EXOC6B: variants seen among roughly 807,000 people sequenced by gnomAD.
EXOC6B encodes SEC15 homolog B.
Under a neutral mutation model 113.5 loss-of-function variants are expected in EXOC6B, and 54 were observed. That is an observed-to-expected ratio of 0.48 (90% CI 0.38 to 0.60). The LOEUF is 0.60. Ranked by LOEUF, EXOC6B falls within the 20% of genes least tolerant of loss-of-function variation. The pLI, the probability that EXOC6B is intolerant of heterozygous loss-of-function variation, is 0.00. For missense variants in EXOC6B, 797 were observed against 977.5 expected, an observed-to-expected ratio of 0.82 and a Z score of 2.46; for synonymous variants, 357 against 339.0, an observed-to-expected ratio of 1.05 and a Z score of -0.58.
chr2:72,763,318 G>A (rs948383196), intron 1 of EXOC6B, among the ~76,000 whole-genome samples: 1 of 151,906 alleles, frequency 6.6e-6, no homozygotes, highest in African/African-American at 2.4e-5. Flanking sequence ...CCTTTGTATA[G>A]TACCTTGGTG....
At chr2:72,268,151 C>T (rs527987211) in intron 20 of EXOC6B, among the ~76,000 whole-genome samples, 1 of 152,160 alleles carries the variant, frequency 6.6e-6, no homozygotes, top group African/African-American at 2.4e-5. Flanking sequence ...CACTCTGTTG[C>T]CCAGGCTAGC....
chr2:72,423,722 CGT>C (rs945776731), intron 18 of EXOC6B, among the ~76,000 whole-genome samples: 14 of 152,078 alleles, frequency 9.2e-5, no homozygotes, highest in Non-Finnish European at 1.5e-4. Flanking sequence ...TGCATGCACC[CGT>C]GTGTGTGCAT....
chr2:72,335,072 G>A (rs1471193365), intron 19 of EXOC6B, 52 bp from the exon 20 acceptor site: 1 of 1,509,626 alleles, frequency 6.6e-7, no homozygotes, highest in Non-Finnish European at 9.2e-7. Flanking sequence ...CATGGACAGG[G>A]AGATTGGCAG....
At chr2:72,388,609 C>G (rs530729693) in intron 18 of EXOC6B, among the ~76,000 whole-genome samples, 1 of 151,948 alleles carries the variant, frequency 6.6e-6, no homozygotes. Context: ...TACTGATACC[C>G]TATTTATTTT....
intron 18 of EXOC6B, among the ~76,000 whole-genome samples, chr2:72,384,251 T>A (rs937329431): frequency 6.6e-6 from 1 of 151,960 alleles, no homozygotes; most frequent in South Asian, 2.1e-4. Flanking sequence ...AGTGAATGAA[T>A]GAAGCAAGAC....
At chr2:72,496,764 A>T (rs941411038) in intron 13 of EXOC6B, among the ~76,000 whole-genome samples, 1 of 152,008 alleles carries the variant, frequency 6.6e-6, no homozygotes, top group Non-Finnish European at 1.5e-5. Flanking sequence ...GGATTTAAAG[A>T]AGACAAAAAG....
At chr2:72,394,761 G>C (rs1307833538) in intron 18 of EXOC6B, among the ~76,000 whole-genome samples, 1 of 152,162 alleles carries the variant, frequency 6.6e-6, no homozygotes, top group African/African-American at 2.4e-5. Flanking sequence ...ATGAGCAAAA[G>C]GTCATGATGA....
chr2:72,641,853 C>T (rs926987392), intron 6 of EXOC6B, among the ~76,000 whole-genome samples: 4 of 152,176 alleles, frequency 2.6e-5, no homozygotes, highest in Admixed American at 6.5e-5. Context: ...CCCTCTGGGA[C>T]GAAGATTCCA....
intron 11 of EXOC6B, among the ~76,000 whole-genome samples, chr2:72,503,724 T>G (rs374806401): frequency 1.1e-4 from 16 of 152,280 alleles, no homozygotes; most frequent in African/African-American, 3.1e-4. Flanking sequence ...ATACACCTGC[T>G]AGATTATATA....
At chr2:72,456,571 G>A (rs1182853933) in intron 18 of EXOC6B, among the ~76,000 whole-genome samples, 1 of 152,096 alleles carries the variant, frequency 6.6e-6, no homozygotes, top group Non-Finnish European at 1.5e-5. Flanking sequence ...AAAATTTTAA[G>A]TCAAATAAAT....
intron 19 of EXOC6B, among the ~76,000 whole-genome samples, chr2:72,369,627 G>A (rs1385055133): frequency 6.6e-6 from 1 of 152,160 alleles, no homozygotes; most frequent in East Asian, 1.9e-4. Flanking sequence ...CAAGGCTATA[G>A]TAACCAAAAC....
At chr2:72,670,471 A>G (rs918530120) in intron 6 of EXOC6B, among the ~76,000 whole-genome samples, 3 of 152,162 alleles carry the variant, frequency 2.0e-5, no homozygotes, top group African/African-American at 7.2e-5. Context: ...ATATTTCTCA[A>G]TTAGGTCTCT....
At chr2:72,357,744 G>C (rs1572963560) in intron 19 of EXOC6B, among the ~76,000 whole-genome samples, 1 of 151,876 alleles carries the variant, frequency 6.6e-6, no homozygotes, top group Non-Finnish European at 1.5e-5. Context: ...TAGTGATGCT[G>C]TAGCCATTGT....
intron 20 of EXOC6B, among the ~76,000 whole-genome samples, chr2:72,247,384 A>T (rs1225771266): frequency 6.6e-6 from 1 of 152,176 alleles, no homozygotes; most frequent in Non-Finnish European, 1.5e-5. Flanking sequence ...TACCTAAAGT[A>T]GTAGGGGAAT....
chr2:72,305,922 A>C (rs1230407289), intron 20 of EXOC6B, among the ~76,000 whole-genome samples: 2 of 152,208 alleles, frequency 1.3e-5, no homozygotes, highest in African/African-American at 4.8e-5. Context: ...TCTAGGTCTT[A>C]GAAGTTCTGA....
intron 18 of EXOC6B, among the ~76,000 whole-genome samples, chr2:72,393,727 C>T (rs1470889676): frequency 6.6e-6 from 1 of 152,094 alleles, no homozygotes; most frequent in Non-Finnish European, 1.5e-5. Flanking sequence ...TCTAGGCAAA[C>T]ATTTTTGCTT....
rs748478070 is a variant in EXOC6B, at chr2:72,492,341, T to A, written c.1642A>T (p.Arg548Trp). ...ACCTCAGTAAGCCCAATATTCTTCC[T>A]TTTAATTACATTCTGCAGAGAGTTG... ...LSNSLQNVIK[R>W]KNIGLTELVQ... Residue 548 changes from arginine (R) to tryptophan (W), a missense_variant, in exon 16 of 22, where the codon AGG becomes TGG. Coordinates refer to ENST00000272427, the MANE Select transcript of EXOC6B (RefSeq NM_015189.3). The A allele has an allele frequency of 6.2e-7, 1 of 1,612,232 alleles. No homozygotes were observed. Among genetic ancestry groups the A allele is most frequent in the African/African-American group, 1.3e-5 (1 of 74,836 alleles).
Position 72,438,793 on chromosome 2 carries a change from C to T in EXOC6B, c.1980+26367G>A, listed in dbSNP as rs75482653. The stretch of plus-strand genomic sequence containing the variant: ...TTAATGCACTCTTTTTTCATTAACA[C>T]CTCAGGTCCTGCTTGAGAGTCTTGC... On this transcript the variant is annotated intron_variant, in intron 18 of 21. Coordinates refer to ENST00000272427, the MANE Select transcript of EXOC6B (RefSeq NM_015189.3). 8.0e-3 allele frequency among the ~76,000 whole-genome samples: 1,215 copies of T among 152,172 alleles called. 17 individuals are homozygous for T. Among genetic ancestry groups the T allele is most frequent in the African/African-American group, 0.028 (1,164 of 41,504 alleles).
At chr2:72,264,621 T>C (rs1346354484) in intron 20 of EXOC6B, among the ~76,000 whole-genome samples, 1 of 151,520 alleles carries the variant, frequency 6.6e-6, no homozygotes, top group African/African-American at 2.4e-5. Flanking sequence ...TTTGGCTCTA[T>C]GTCCCCACCA....
Sources: allele counts gnomAD v4.1 joint callset (sites outside exome capture counted in the v4.1 genomes callset), GRCh38; gene constraint gnomAD v4.1.1; transcripts MANE v1.5; gene names NCBI Gene and HGNC (gene_info 2026-07-23, HGNC 2026-07-21).